Variants in MED13L observed in about 807,000 individuals in gnomAD.
MED13L encodes the protein mediator complex subunit 13L.
In MED13L, 7 loss-of-function variants were observed where a neutral mutation model predicts 220.9. The observed-to-expected ratio is 0.03, with a 90% CI of 0.02 to 0.06. The LOEUF is 0.06. Ranked by LOEUF, MED13L falls within the 10% of genes least tolerant of loss-of-function variation. MED13L has a pLI of 1.00. For synonymous variants in MED13L, 1,011 were observed against 1,015.2 expected, an observed-to-expected ratio of 1.00 and a Z score of 0.08; for missense variants, 1,965 against 2,760.5, an observed-to-expected ratio of 0.71 and a Z score of 6.46.
Position 116,007,459 on chromosome 12 carries a change from G to T in MED13L, c.2190C>A (p.Asn730Lys). The change falls in exon 11 of 31, where the codon AAC (asparagine) becomes AAA (lysine). Residue 730 changes from asparagine (N) to lysine (K), a missense_variant. By Grantham distance (94) the Asn-to-Lys change is moderately conservative. Around this residue, in one of 10 missense-constraint regions of MED13L, gnomAD observed 818 missense variants for 1,041.2 expected, o/e 0.79. Coordinates refer to ENST00000281928, the MANE Select transcript of MED13L (RefSeq NM_015335.5). The stretch of plus-strand genomic sequence containing the variant: ...TCTCCGTCCCTTGTTTGCATTTCTT[G>T]TTGGCTGTAAAGATGTATTTTATGT... ...DGDIKYIFTA[N>K]KKCKQGTEKD... 1 of 1,613,800 alleles carries T rather than the reference G, an allele frequency of 6.2e-7. No individual in the cohort carries two copies. Among genetic ancestry groups the T allele is most frequent in the Non-Finnish European group, 8.5e-7 (1 of 1,179,864 alleles).
chr12:116,104,963 T>A (rs1262411733), intron 3 of MED13L, among the ~76,000 whole-genome samples: 3 of 152,216 alleles, frequency 2.0e-5, no homozygotes, highest in Admixed American at 6.5e-5. Context: ...ACTGCACATA[T>A]TTTCCGGCTT....
intron 4 of MED13L, among the ~76,000 whole-genome samples, chr12:116,081,286 ATGTT>A (rs1255828045): frequency 6.6e-6 from 1 of 152,200 alleles, no homozygotes; most frequent in East Asian, 1.9e-4. Context: ...AGTTATGAAA[ATGTT>A]TGGCAATTAT....
At chr12:116,152,488 T>C (rs1878111735) in intron 2 of MED13L, among the ~76,000 whole-genome samples, 2 of 152,296 alleles carry the variant, frequency 1.3e-5, no homozygotes, top group African/African-American at 4.8e-5. Flanking sequence ...AGCCACAGTC[T>C]GGTACATTTC....
intron 4 of MED13L, among the ~76,000 whole-genome samples, chr12:116,090,557 G>C (rs1872114641): frequency 6.6e-6 from 1 of 152,134 alleles, no homozygotes; most frequent in Middle Eastern, 3.2e-3. Flanking sequence ...TACATGGATA[G>C]GACATGTCCA....
At chr12:116,259,763 T>C (rs1872361279) in intron 1 of MED13L, among the ~76,000 whole-genome samples, 2 of 152,214 alleles carry the variant, frequency 1.3e-5, no homozygotes, top group Admixed American at 1.3e-4. Context: ...ATTAAACCTC[T>C]GGAAGTTACC....
chr12:116,160,847 C>T (rs533141596), intron 2 of MED13L, among the ~76,000 whole-genome samples: 1 of 151,288 alleles, frequency 6.6e-6, no homozygotes, highest in Non-Finnish European at 1.5e-5. Context: ...AGATTATAGG[C>T]GTGAGCCACC....
intron 1 of MED13L, among the ~76,000 whole-genome samples, chr12:116,241,957 G>C (rs938328523): frequency 2.6e-5 from 4 of 151,516 alleles, no homozygotes; most frequent in African/African-American, 9.7e-5. Flanking sequence ...AATTCCCATC[G>C]TGGATGTTTA....
At chr12:116,248,722 G>T (rs1028812622) in intron 1 of MED13L, among the ~76,000 whole-genome samples, 1 of 152,190 alleles carries the variant, frequency 6.6e-6, no homozygotes, top group Non-Finnish European at 1.5e-5. Flanking sequence ...TGCAAGTGGG[G>T]CCACATGGCC....
At chr12:116,160,396 T>C (rs1201451785) in intron 2 of MED13L, among the ~76,000 whole-genome samples, 1 of 152,230 alleles carries the variant, frequency 6.6e-6, no homozygotes, top group South Asian at 2.1e-4. Context: ...CGATGCATCA[T>C]GATAGTGGCC....
intron 2 of MED13L, among the ~76,000 whole-genome samples, chr12:116,154,359 T>C (rs1466986018): frequency 6.6e-6 from 1 of 152,220 alleles, no homozygotes; most frequent in African/African-American, 2.4e-5. Context: ...GTTGGAACTC[T>C]TGTTACCAAG....
intron 9 of MED13L, among the ~76,000 whole-genome samples, chr12:116,009,356 T>A (rs1349256566): frequency 2.6e-5 from 4 of 152,152 alleles, no homozygotes; most frequent in Non-Finnish European, 4.4e-5. Flanking sequence ...GCAAAAGATG[T>A]AAGGTACATT....
chr12:116,083,775 C>T (rs1300867181), intron 4 of MED13L, among the ~76,000 whole-genome samples: 1 of 152,176 alleles, frequency 6.6e-6, no homozygotes, highest in Non-Finnish European at 1.5e-5. Context: ...CTCTGCCTCC[C>T]TTCACCTGGC....
chr12:116,059,414 G>A (rs146294712), intron 4 of MED13L, among the ~76,000 whole-genome samples: 1 of 147,946 alleles, frequency 6.8e-6, no homozygotes, highest in Non-Finnish European at 1.5e-5. Flanking sequence ...AAATTATACC[G>A]TACTTTTTTT....
At chr12:116,210,402 T>C (rs1326493483) in intron 2 of MED13L, among the ~76,000 whole-genome samples, 1 of 151,902 alleles carries the variant, frequency 6.6e-6, no homozygotes, top group African/African-American at 2.4e-5. Flanking sequence ...GTTACTTCTC[T>C]CAAACCTCTG....
intron 2 of MED13L, among the ~76,000 whole-genome samples, chr12:116,141,011 T>TA (rs763493531): frequency 1.1e-3 from 168 of 152,326 alleles, no homozygotes; most frequent in Non-Finnish European, 1.6e-3. Context: ...GTGGATTTTT[T>TA]AAAATCTGTC....
chr12:116,208,285 T>C (rs1447989870), intron 2 of MED13L, among the ~76,000 whole-genome samples: 1 of 152,146 alleles, frequency 6.6e-6, no homozygotes, highest in Non-Finnish European at 1.5e-5. Context: ...TAATCCCAGC[T>C]ACTCTGGAGG....
chr12:116,107,739 T>C (rs1226282311), intron 3 of MED13L, among the ~76,000 whole-genome samples: 1 of 152,052 alleles, frequency 6.6e-6, no homozygotes, highest in Non-Finnish European at 1.5e-5. Context: ...ATGGAAAAAA[T>C]GGCTAGGGAG....
intron 2 of MED13L, among the ~76,000 whole-genome samples, chr12:116,138,964 A>G (rs1876822778): frequency 6.6e-6 from 1 of 152,214 alleles, no homozygotes; most frequent in African/African-American, 2.4e-5. Context: ...TGATTCACAC[A>G]TTTGGTTAAT....
chr12:116,165,166 A>G (rs1467976949), intron 2 of MED13L, among the ~76,000 whole-genome samples: 2 of 152,010 alleles, frequency 1.3e-5, no homozygotes, highest in Admixed American at 1.3e-4. Context: ...TGACACAAAA[A>G]CATGACAGAA....
Sources: allele counts gnomAD v4.1 joint callset (sites outside exome capture counted in the v4.1 genomes callset), GRCh38; gene constraint gnomAD v4.1.1; regional missense constraint gnomAD v4.1.1; transcripts MANE v1.5; gene names NCBI Gene and HGNC (gene_info 2026-07-23, HGNC 2026-07-21).